Variants in INPP4B observed in about 807,000 individuals in gnomAD.
INPP4B encodes the protein inositol polyphosphate 4-phosphatase type II.
INPP4B carries 55 observed loss-of-function variants against 122.5 expected under a neutral mutation model. That is an observed-to-expected ratio of 0.45 (90% CI 0.36 to 0.56). The LOEUF is 0.56. INPP4B is among the 20% of genes least tolerant of loss of function. INPP4B has a pLI of 0.00. For synonymous variants in INPP4B, 403 were observed against 388.7 expected, an observed-to-expected ratio of 1.04 and a Z score of -0.43; for missense variants, 1,000 against 1,097.7, an observed-to-expected ratio of 0.91 and a Z score of 1.26.
chr4:142,407,669 A>G (rs1470997675), intron 5 of INPP4B, among the ~76,000 whole-genome samples: 8 of 152,138 alleles, frequency 5.3e-5, no homozygotes, highest in Admixed American at 5.2e-4. Flanking sequence ...TTTTCTTCCT[A>G]CAGCTCAGAG....
rs568673463 is a variant in INPP4B at position 142,703,043 on chromosome 4, C to T, written c.-191+22796G>A. 1.8e-4 allele frequency among the ~76,000 whole-genome samples: 28 copies of T among 152,236 alleles called. No homozygotes were observed. In the South Asian group the frequency reaches 5.6e-3, roughly 30 times the overall value. ...TTATTTTGTGCAAGTTACTTAACTT[C>T]TATCAGCTCGATTTCCTCACCTGCC... On this transcript the variant is annotated intron_variant, in intron 2 of 25. Coordinates refer to ENST00000262992, the MANE Select transcript of INPP4B (RefSeq NM_001101669.3).
intron 11 of INPP4B, among the ~76,000 whole-genome samples, chr4:142,250,002 T>C (rs1313657533): frequency 6.6e-6 from 1 of 152,266 alleles, no homozygotes; most frequent in African/African-American, 2.4e-5. Context: ...GTCTGCTTTT[T>C]AACAACTTAA....
intron 25 of INPP4B, among the ~76,000 whole-genome samples, chr4:142,032,447 G>C (rs138705040): frequency 4.5e-4 from 69 of 152,302 alleles, no homozygotes; most frequent in African/African-American, 1.6e-3. Flanking sequence ...AACCCCCCAA[G>C]ATGATCTTGG....
chr4:142,227,856 TAAAAA>T (rs60375355), intron 12 of INPP4B, among the ~76,000 whole-genome samples: 1 of 34,236 alleles, frequency 2.9e-5, no homozygotes, highest in Non-Finnish European at 5.6e-5. Flanking sequence ...AGACTCTATC[TAAAAA>T]AAAAAAAAAA....
chr4:142,135,867 G>A (rs1183467581), intron 18 of INPP4B, among the ~76,000 whole-genome samples: 1 of 151,988 alleles, frequency 6.6e-6, no homozygotes, highest in Non-Finnish European at 1.5e-5. Flanking sequence ...TGCGATCTCC[G>A]CTCACTGCTA....
chr4:142,231,895 G>A (rs1854537210), intron 12 of INPP4B, among the ~76,000 whole-genome samples: 1 of 152,112 alleles, frequency 6.6e-6, no homozygotes, highest in Non-Finnish European at 1.5e-5. Flanking sequence ...TAAAAATCCT[G>A]ACTTCATAGA....
intron 1 of INPP4B, among the ~76,000 whole-genome samples, chr4:142,788,812 G>A (rs1379689747): frequency 6.6e-6 from 1 of 151,970 alleles, no homozygotes; most frequent in Non-Finnish European, 1.5e-5. Flanking sequence ...TCCTTTTATG[G>A]CTGAGTAGTA....
chr4:142,138,335 A>G (rs1805768398), intron 18 of INPP4B, among the ~76,000 whole-genome samples: 1 of 140,132 alleles, frequency 7.1e-6, no homozygotes, highest in Non-Finnish European at 1.5e-5. Context: ...GAATTGAACA[A>G]TGAGAACACA....
chr4:142,521,264 A>C (rs1441879298), intron 2 of INPP4B, among the ~76,000 whole-genome samples: 1 of 151,968 alleles, frequency 6.6e-6, no homozygotes, highest in African/African-American at 2.4e-5. Flanking sequence ...TTAAGACAAA[A>C]ATAAAAGGAT....
At chr4:142,659,267 G>A (rs189809304) in intron 2 of INPP4B, among the ~76,000 whole-genome samples, 42 of 151,826 alleles carry the variant, frequency 2.8e-4, no homozygotes, top group Non-Finnish European at 3.8e-4. Context: ...TTAGCCAGGC[G>A]TGGTGGCAGA....
At chr4:142,061,621 A>G (rs1760673644) in intron 25 of INPP4B, among the ~76,000 whole-genome samples, 1 of 151,964 alleles carries the variant, frequency 6.6e-6, no homozygotes, top group Non-Finnish European at 1.5e-5. Flanking sequence ...TAAAATTAAT[A>G]TTAAATTTAG....
chr4:142,408,138 T>C (rs1803829847), intron 5 of INPP4B, among the ~76,000 whole-genome samples: 1 of 152,158 alleles, frequency 6.6e-6, no homozygotes, highest in Non-Finnish European at 1.5e-5. Context: ...ACCAGACGGC[T>C]GATAAATAAT....
chr4:142,229,540 T>C (rs1161150792), intron 12 of INPP4B, among the ~76,000 whole-genome samples: 5 of 152,126 alleles, frequency 3.3e-5, no homozygotes, highest in African/African-American at 9.7e-5. Flanking sequence ...TAAAAGATTA[T>C]ACACATCCCA....
chr4:142,146,463 C>T (rs1179734271), intron 17 of INPP4B, among the ~76,000 whole-genome samples: 1 of 152,076 alleles, frequency 6.6e-6, no homozygotes, highest in Admixed American at 6.6e-5. Context: ...TTGTCATACA[C>T]CCATTACTAG....
intron 7 of INPP4B, among the ~76,000 whole-genome samples, chr4:142,354,827 A>T (rs1783045371): frequency 6.6e-6 from 1 of 152,012 alleles, no homozygotes; most frequent in Non-Finnish European, 1.5e-5. Context: ...TACCTAACTA[A>T]CATACGGCTA....
rs149134970 is a variant in INPP4B at position 142,447,735 on chromosome 4, A to G, written c.-127+14928T>C. Among the ~76,000 whole-genome samples, 679 of 152,334 alleles carry G rather than the reference A, an allele frequency of 4.5e-3. 5 individuals carry two copies. Among genetic ancestry groups the G allele is most frequent in the African/African-American group, 0.016 (652 of 41,582 alleles). On this transcript the variant is annotated intron_variant, in intron 3 of 25. Coordinates refer to ENST00000262992, the MANE Select transcript of INPP4B (RefSeq NM_001101669.3). ...AATAAATAGGAGTGAAGATATGTAT[A>G]GCTAGGCATTTGTAATCGTAAATGA...
chr4:142,658,725 G>T lies in INPP4B; in HGVS notation c.-191+67114C>A, dbSNP rs568251499. ...AGGGTATGCTTCCCTTTAAGTAGAC[G>T]ATCTTGACTTGCAGAGCCAATAAAA... On this transcript the variant is annotated intron_variant, in intron 2 of 25. Transcript: ENST00000262992. Among the ~76,000 whole-genome samples the T allele has an allele frequency of 2.6e-5, 4 of 152,184 alleles. No individual in the cohort carries two copies. In the South Asian group the frequency reaches 8.3e-4, roughly 32 times the overall value.
intron 7 of INPP4B, among the ~76,000 whole-genome samples, chr4:142,325,121 CAT>C (rs1032169516): frequency 6.6e-6 from 1 of 152,146 alleles, no homozygotes; most frequent in Non-Finnish European, 1.5e-5. Flanking sequence ...TGCTTTCAAA[CAT>C]GTGATTTTTG....
At chr4:142,188,501 A>AC (rs1834199261) in intron 15 of INPP4B, among the ~76,000 whole-genome samples, 1 of 121,568 alleles carries the variant, frequency 8.2e-6, no homozygotes. Flanking sequence ...AAAAAAAAAA[A>AC]AAAAAAAAAG....
Sources: allele counts gnomAD v4.1 joint callset (sites outside exome capture counted in the v4.1 genomes callset), GRCh38; gene constraint gnomAD v4.1.1; transcripts MANE v1.5; gene names NCBI Gene and HGNC (gene_info 2026-07-23, HGNC 2026-07-21).